The following TRPC4 variants were observed in gnomAD, a reference collection of about 807,000 sequenced individuals.
The protein encoded by TRPC4 is short transient receptor potential channel 4.
In TRPC4, 49 loss-of-function variants were observed where a neutral mutation model predicts 99.4. That is an observed-to-expected ratio of 0.49 (90% CI 0.39 to 0.63). TRPC4 has a LOEUF of 0.63. Ranked by LOEUF, TRPC4 falls within the 20% of genes least tolerant of loss-of-function variation. The pLI, the probability that TRPC4 is intolerant of heterozygous loss-of-function variation, is 0.00. For synonymous variants in TRPC4, 454 were observed against 425.9 expected (o/e 1.07, Z -0.81); for missense variants, 898 against 1,152.9 (o/e 0.78, Z 3.20).
intron 1 of TRPC4, among the ~76,000 whole-genome samples, chr13:37,831,362 A>G (rs981040808): frequency 2.0e-5 from 3 of 152,246 alleles, no homozygotes; most frequent in Non-Finnish European, 4.4e-5. Flanking sequence ...TAGAATATCA[A>G]TTATCAAAAT....
At chr13:37,788,188 A>G (rs1181681554) in intron 1 of TRPC4, among the ~76,000 whole-genome samples, 1 of 152,070 alleles carries the variant, frequency 6.6e-6, no homozygotes, top group Non-Finnish European at 1.5e-5. Flanking sequence ...CTGAGCTTTC[A>G]TCCATTCCCA....
intron 2 of TRPC4, among the ~76,000 whole-genome samples, chr13:37,763,344 G>A (rs960317174): frequency 1.3e-5 from 2 of 151,498 alleles, no homozygotes; most frequent in African/African-American, 4.8e-5. Context: ...CTATGGTGGT[G>A]GAAGCATATG....
At chr13:37,820,225 C>T (rs1957974876) in intron 1 of TRPC4, among the ~76,000 whole-genome samples, 1 of 151,852 alleles carries the variant, frequency 6.6e-6, no homozygotes, top group Admixed American at 6.6e-5. Context: ...AAACACGCAA[C>T]CTCCCAAGAT....
intron 6 of TRPC4, among the ~76,000 whole-genome samples, chr13:37,661,756 A>C (rs1306897219): frequency 2.0e-5 from 3 of 151,574 alleles, no homozygotes; most frequent in Non-Finnish European, 4.4e-5. Context: ...TAAATCTCTA[A>C]TCCGTTTCCC....
At chr13:37,703,945 A>C (rs2138948310) in intron 3 of TRPC4, among the ~76,000 whole-genome samples, 1 of 152,304 alleles carries the variant, frequency 6.6e-6, no homozygotes, top group South Asian at 2.1e-4. Flanking sequence ...ATAGCCTCAA[A>C]CTGGAACAAG....
At chr13:37,847,991 T>C (rs183863545) in intron 1 of TRPC4, among the ~76,000 whole-genome samples, 3 of 152,292 alleles carry the variant, frequency 2.0e-5, no homozygotes, top group African/African-American at 7.2e-5. Flanking sequence ...TTAATAATAA[T>C]GTATGCTACA....
chr13:37,862,468 C>T (rs1019624282), intron 1 of TRPC4, among the ~76,000 whole-genome samples: 2 of 151,498 alleles, frequency 1.3e-5, no homozygotes, highest in Non-Finnish European at 1.5e-5. Context: ...CCTACTCTTA[C>T]GGAAAACAGT....
intron 4 of TRPC4, among the ~76,000 whole-genome samples, chr13:37,679,435 T>C (rs1008469352): frequency 2.6e-5 from 4 of 152,322 alleles, no homozygotes; most frequent in African/African-American, 7.2e-5. Flanking sequence ...TGAGTAACTA[T>C]AAATTTTTTA....
intron 1 of TRPC4, among the ~76,000 whole-genome samples, chr13:37,813,941 T>C (rs1292499031): frequency 6.6e-6 from 1 of 151,586 alleles, no homozygotes; most frequent in East Asian, 1.9e-4. Context: ...CTAAGGATAA[T>C]AAAAAGACAC....
intron 1 of TRPC4, chr13:37,854,849 G>A (rs1959144949): frequency 6.6e-6 from 1 of 151,890 alleles, no homozygotes; most frequent in Non-Finnish European, 1.5e-5. Context: ...AGGCCACAAA[G>A]CAATCAGAAA....
At chr13:37,670,848 A>T (rs2138740007) in intron 5 of TRPC4, among the ~76,000 whole-genome samples, 1 of 152,260 alleles carries the variant, frequency 6.6e-6, no homozygotes, top group East Asian at 1.9e-4. Context: ...ACTTTTGCAT[A>T]TTGTGCCTTT....
intron 3 of TRPC4, among the ~76,000 whole-genome samples, chr13:37,717,188 T>C (rs1338534730): frequency 3.9e-5 from 6 of 152,174 alleles, no homozygotes; most frequent in African/African-American, 1.4e-4. Context: ...GATATAATTC[T>C]CAGTGAATTA....
intron 3 of TRPC4, among the ~76,000 whole-genome samples, chr13:37,729,940 C>G (rs1346483765): frequency 6.6e-6 from 1 of 151,890 alleles, no homozygotes; most frequent in Admixed American, 6.6e-5. Context: ...GCAATTAATG[C>G]CACTCAACTA....
chr13:37,785,547 T>C (rs4460944), intron 1 of TRPC4, among the ~76,000 whole-genome samples: 78,626 of 151,412 alleles, frequency 0.52, 20,906 homozygotes, highest in East Asian at 0.78. Context: ...AGCTTGAGAC[T>C]GGTGTTTGAA....
intron 1 of TRPC4, among the ~76,000 whole-genome samples, chr13:37,850,404 T>C (rs946985009): frequency 2.0e-5 from 3 of 152,230 alleles, no homozygotes; most frequent in African/African-American, 7.2e-5. Context: ...TGTTATTTTA[T>C]ACAAAATAGA....
intron 1 of TRPC4, among the ~76,000 whole-genome samples, chr13:37,791,264 C>A (rs753013455): frequency 4.6e-5 from 7 of 151,812 alleles, no homozygotes; most frequent in Non-Finnish European, 4.4e-5. Flanking sequence ...GGCATAGTGG[C>A]ATGCACCTGT....
intron 1 of TRPC4, among the ~76,000 whole-genome samples, chr13:37,842,946 T>C (rs1187820332): frequency 6.6e-6 from 1 of 152,246 alleles, no homozygotes; most frequent in Admixed American, 6.5e-5. Flanking sequence ...TAGCAAATGC[T>C]ATAAAGCTTT....
At chr13:37,737,276 C>G (rs1051179673) in intron 3 of TRPC4, among the ~76,000 whole-genome samples, 10 of 151,550 alleles carry the variant, frequency 6.6e-5, no homozygotes, top group Non-Finnish European at 1.2e-4. Flanking sequence ...GATAGCCACT[C>G]TTTCATGAGC....
intron 8 of TRPC4, among the ~76,000 whole-genome samples, chr13:37,643,273 G>T (rs891290182): frequency 3.9e-5 from 6 of 152,196 alleles, no homozygotes; most frequent in Non-Finnish European, 8.8e-5. Flanking sequence ...ACATGTGTAT[G>T]GCAGTGGAGT....
Sources: gnomAD v4.1 joint callset for allele counts (sites outside exome capture counted in the v4.1 genomes callset) on GRCh38, gnomAD v4.1.1 for gene constraint, MANE v1.5 for transcripts, NCBI Gene and HGNC (gene_info 2026-07-23, HGNC 2026-07-21) for gene names.